The following IFT80 variants were observed in gnomAD, a reference collection of about 807,000 sequenced individuals.
IFT80 encodes intraflagellar transport protein 80 homolog.
In IFT80, 79 loss-of-function variants were observed where a neutral mutation model predicts 107.9. The ratio of observed to expected loss-of-function variants is 0.73; its 90% CI spans 0.61 to 0.88. The LOEUF is 0.88. Among genes scored for constraint, IFT80 ranks in the 40% least tolerant of loss-of-function variants. The probability of loss-of-function intolerance (pLI) is 0.00; values close to 1 mark genes in which losing one functional copy is unlikely to be tolerated. For missense variants in IFT80, 797 were observed against 914.2 expected (o/e 0.87, Z 1.65); for synonymous variants, 299 against 300.9 (o/e 0.99, Z 0.07).
chr3:160,294,610 C>G (rs1198702421), intron 12 of IFT80, among the ~76,000 whole-genome samples: 1 of 152,208 alleles, frequency 6.6e-6, no homozygotes, highest in Non-Finnish European at 1.5e-5. Context: ...TAATTACTAA[C>G]AAGTGAGATT....
chr3:160,299,062 T>C lies in IFT80; in HGVS notation c.1315+1821A>G, dbSNP rs1000640095. On this transcript the variant is annotated intron_variant, in intron 12 of 19. Coordinates refer to ENST00000326448, the MANE Select transcript of IFT80 (RefSeq NM_020800.3). Reference sequence around the variant, plus strand: ...TATGTGGTGTTGAATAAGGAAAGCATAGACAACTCATAGTGATCACAGGGA... The same window carrying C: ...TATGTGGTGTTGAATAAGGAAAGCACAGACAACTCATAGTGATCACAGGGA... The C allele has an allele frequency of 2.9e-5, 28 of 952,538 alleles. No homozygotes were observed. The Admixed American group carries it at 5.4e-4, about 18-fold the overall frequency. The allele number at this position is 952,538 out of a possible 1,614,324, so 59.0% of individuals were successfully genotyped here.
intron 1 of IFT80, among the ~76,000 whole-genome samples, chr3:160,394,575 G>A (rs892274300): frequency 2.6e-5 from 4 of 151,880 alleles, no homozygotes; most frequent in South Asian, 2.1e-4. Flanking sequence ...AATATTATTC[G>A]TATTGGCTAT....
In IFT80 at chr3:160,282,507, A is replaced by G. The variant is rs748179749; in HGVS notation, c.1487T>C (p.Phe496Ser). ...RDLCITSVKR[F>S]GKEEQIIKLG... ...CTTGATAATTTGTTCTTCCTTCCCAAATCGTTTCACAGAAGTGATACAGAG... is the reference window on the plus strand; with the variant it reads ...CTTGATAATTTGTTCTTCCTTCCCAGATCGTTTCACAGAAGTGATACAGAG... The change falls in exon 14 of 20, where the codon TTT becomes TCT. Residue 496 changes from phenylalanine (F) to serine (S), a missense_variant. Coordinates refer to ENST00000326448, the MANE Select transcript of IFT80 (RefSeq NM_020800.3). 6.3e-7 allele frequency: 1 copy of G among 1,596,156 alleles called. No homozygotes were observed. Among genetic ancestry groups the G allele is most frequent in the Admixed American group, 1.7e-5 (1 of 59,244 alleles).
chr3:160,352,068 T>G (rs1027737288), intron 8 of IFT80, among the ~76,000 whole-genome samples: 3 of 151,236 alleles, frequency 2.0e-5, no homozygotes, highest in Non-Finnish European at 4.4e-5. Flanking sequence ...CAGGCTGGAG[T>G]GCAGTGGTGC....
rs1284156906 is a variant in IFT80 at position 160,375,798 on chromosome 3, A to G, written c.439+14T>C. On this transcript the variant is annotated intron_variant, in intron 5 of 19. Coordinates refer to ENST00000326448, the MANE Select transcript of IFT80 (RefSeq NM_020800.3). ...ATAATTTGCAAAAATGAAATTGTCA[A>G]TTGTAAAACATACCTTGCTGAGCTA... is the stretch of plus-strand genomic sequence containing the variant. 8 of 1,598,028 alleles carry G rather than the reference A, an allele frequency of 5.0e-6. No homozygotes were observed. Among genetic ancestry groups the G allele is most frequent in the South Asian group, 1.1e-5 (1 of 90,316 alleles).
chr3:160,305,796 A>C (rs1716792418), intron 10 of IFT80, among the ~76,000 whole-genome samples: 1 of 152,172 alleles, frequency 6.6e-6, no homozygotes, highest in South Asian at 2.1e-4. Flanking sequence ...TATTACTAAA[A>C]AATAGCCAAC....
At chr3:160,320,431 CTT>C (rs530699154) in intron 8 of IFT80, among the ~76,000 whole-genome samples, 5 of 147,810 alleles carry the variant, frequency 3.4e-5, no homozygotes, top group Non-Finnish European at 6.0e-5. Flanking sequence ...TATTTCTTTT[CTT>C]TTTTTTTTAA....
intron 8 of IFT80, among the ~76,000 whole-genome samples, chr3:160,349,334 A>G (rs1170978263): frequency 6.6e-6 from 1 of 152,094 alleles, no homozygotes; most frequent in Non-Finnish European, 1.5e-5. Flanking sequence ...CTGTAATCCC[A>G]GCTACTCGGG....
Position 160,319,890 on chromosome 3 carries a change from G to T in IFT80, c.827C>A (p.Ala276Glu), listed in dbSNP as rs1267175527. ...AATCTGAGTGCCATCGATAGACCAT[G>T]CAATATTAAATATGCTGCCAGTGTT... ...KPNTGSIFNI[A>E]WSIDGTQIAG... is the part of the protein sequence containing the mutation. Residue 276 changes from alanine (A) to glutamate (E), a missense_variant, in exon 9 of 20, where the codon GCA becomes GAA. By Grantham distance (107) the Ala-to-Glu change is moderately radical. Coordinates refer to ENST00000326448, the MANE Select transcript of IFT80 (RefSeq NM_020800.3). 6.2e-7 allele frequency: 1 copy of T among 1,612,468 alleles called. No homozygotes were observed. Among genetic ancestry groups the T allele is most frequent in the Admixed American group, 1.7e-5 (1 of 59,806 alleles).
At chr3:160,293,208 C>G (rs1715705502) in intron 12 of IFT80, among the ~76,000 whole-genome samples, 1 of 152,122 alleles carries the variant, frequency 6.6e-6, no homozygotes, top group Admixed American at 6.6e-5. Flanking sequence ...AAAGATGAAG[C>G]CATATATTGC....
At chr3:160,348,097 T>TA (rs1720427694) in intron 8 of IFT80, among the ~76,000 whole-genome samples, 1 of 152,224 alleles carries the variant, frequency 6.6e-6, no homozygotes, top group Non-Finnish European at 1.5e-5. Flanking sequence ...ACTTATTGGG[T>TA]AAAATATATC....
chr3:160,284,485 G>A (rs534968617), intron 13 of IFT80, among the ~76,000 whole-genome samples: 19 of 152,246 alleles, frequency 1.2e-4, no homozygotes, highest in African/African-American at 4.6e-4. Flanking sequence ...TATATTACCA[G>A]TGCAAAGGTA....
At chr3:160,399,001 C>T (rs1714121131) in intron 1 of IFT80, 145 bp downstream of exon 1, 1 of 152,232 alleles carries the variant, frequency 6.6e-6, no homozygotes. Flanking sequence ...ATCCCAAAAG[C>T]TACACCCGGA....
intron 12 of IFT80, among the ~76,000 whole-genome samples, chr3:160,291,397 T>A (rs895815394): frequency 1.3e-5 from 2 of 152,150 alleles, no homozygotes; most frequent in African/African-American, 2.4e-5. Context: ...TACTGGGAAA[T>A]GCAAAAAGTT....
intron 8 of IFT80, among the ~76,000 whole-genome samples, chr3:160,331,856 T>A (rs1001083310): frequency 1.3e-5 from 2 of 152,106 alleles, no homozygotes; most frequent in African/African-American, 4.8e-5. Flanking sequence ...AGATAAGGTC[T>A]ATGTTGCCCA....
At chr3:160,365,988 C>A in intron 6 of IFT80, 55 bp downstream of exon 6, 1 of 1,342,004 alleles carries the variant, frequency 7.5e-7, no homozygotes. Flanking sequence ...CAAGTGCCCT[C>A]TAGTTTAGCA....
intron 1 of IFT80, among the ~76,000 whole-genome samples, chr3:160,393,406 A>C (rs1423657659): frequency 2.0e-5 from 3 of 152,238 alleles, no homozygotes; most frequent in Non-Finnish European, 4.4e-5. Context: ...ATGCTAATTG[A>C]AAAAAGCTAG....
intron 5 of IFT80, among the ~76,000 whole-genome samples, chr3:160,374,833 C>T (rs1428242567): frequency 6.6e-6 from 1 of 152,268 alleles, no homozygotes; most frequent in Middle Eastern, 3.4e-3. Context: ...CTGAAACTTA[C>T]CCACGGCTAC....
chr3:160,358,604 T>C (rs1721273721), intron 6 of IFT80, among the ~76,000 whole-genome samples: 1 of 152,240 alleles, frequency 6.6e-6, no homozygotes, highest in African/African-American at 2.4e-5. Context: ...AAGTTCTGCC[T>C]TGGCCTCCCA....
Sources: gnomAD v4.1 joint callset for allele counts (sites outside exome capture counted in the v4.1 genomes callset) on GRCh38, gnomAD v4.1.1 for gene constraint, MANE v1.5 for transcripts, NCBI Gene and HGNC (gene_info 2026-07-23, HGNC 2026-07-21) for gene names.